TRAK1: variants seen among roughly 807,000 people sequenced by gnomAD.
The protein encoded by TRAK1 is trafficking kinesin protein 1.
In TRAK1, 33 loss-of-function variants were observed where a neutral mutation model predicts 92.1. That is an observed-to-expected ratio of 0.36 (90% confidence interval 0.27 to 0.48). TRAK1 has a LOEUF of 0.48. Among genes scored for constraint, TRAK1 ranks in the 20% least tolerant of loss-of-function variants. TRAK1 has a pLI of 0.99. For synonymous variants in TRAK1, 521 were observed against 517.3 expected (o/e 1.01, Z -0.10); for missense variants, 1,123 against 1,257.9 (o/e 0.89, Z 1.62).
At chr3:42,049,693 C>G (rs995846273) in intron 1 of TRAK1, among the ~76,000 whole-genome samples, 1 of 152,016 alleles carries the variant, frequency 6.6e-6, no homozygotes, top group African/African-American at 2.4e-5. Context: ...TATCCTTAGT[C>G]CTTTTATTTT....
At chr3:42,128,682 G>C (rs896027413) in intron 2 of TRAK1, among the ~76,000 whole-genome samples, 2 of 152,210 alleles carry the variant, frequency 1.3e-5, no homozygotes, top group African/African-American at 4.8e-5. Context: ...AGTGGTATTA[G>C]CAGGACCTGT....
chr3:42,177,869 A>C (rs1472118114), intron 3 of TRAK1, among the ~76,000 whole-genome samples: 1 of 152,092 alleles, frequency 6.6e-6, no homozygotes, highest in African/African-American at 2.4e-5. Context: ...GGAAGTCACA[A>C]ACTCATCAGC....
chr3:42,173,220 A>G (rs1702786836), intron 2 of TRAK1, among the ~76,000 whole-genome samples: 1 of 152,110 alleles, frequency 6.6e-6, no homozygotes, highest in Admixed American at 6.5e-5. Context: ...TTTTTGAAAC[A>G]TCTTTTGGGT....
chr3:42,022,943 G>A (rs1250404882), intron 1 of TRAK1, among the ~76,000 whole-genome samples: 1 of 151,980 alleles, frequency 6.6e-6, no homozygotes, highest in Non-Finnish European at 1.5e-5. Flanking sequence ...CGGATCACGA[G>A]GTCAGGAGTT....
Position 42,091,437 on chromosome 3 carries a change from T to C in TRAK1, c.-33T>C, listed in dbSNP as rs769732557. 1 of 1,604,174 alleles carries C rather than the reference T, an allele frequency of 6.2e-7. No homozygotes were observed. Among genetic ancestry groups the C allele is most frequent in the African/African-American group, 1.3e-5 (1 of 74,688 alleles). ...GAGCTCTCATGGAGGCTCTCTCTGTTCTCTGAAGTGCCTTTGGAGTTTATG... is the reference window on the plus strand; with the variant it reads ...GAGCTCTCATGGAGGCTCTCTCTGTCCTCTGAAGTGCCTTTGGAGTTTATG... On this transcript the variant is annotated 5_prime_UTR_variant, in exon 1 of 16. Transcript: ENST00000327628.
intron 1 of TRAK1, among the ~76,000 whole-genome samples, chr3:42,082,197 A>G (rs1704469144): frequency 6.6e-6 from 1 of 152,236 alleles, no homozygotes; most frequent in Admixed American, 6.5e-5. Flanking sequence ...GAGGAGAAAC[A>G]GTAGTGATTT....
intron 1 of TRAK1, among the ~76,000 whole-genome samples, chr3:42,116,180 G>A (rs1392061002): frequency 6.6e-6 from 1 of 152,248 alleles, no homozygotes; most frequent in Non-Finnish European, 1.5e-5. Flanking sequence ...CTCTTGCATG[G>A]TGGGACCTGC....
intron 2 of TRAK1, among the ~76,000 whole-genome samples, chr3:42,167,845 A>G (rs974613466): frequency 6.6e-6 from 1 of 152,162 alleles, no homozygotes; most frequent in Non-Finnish European, 1.5e-5. Context: ...ACGCCACTGC[A>G]CTCCAGCCTG....
chr3:42,031,483 AG>A (rs1325004602), intron 1 of TRAK1, among the ~76,000 whole-genome samples: 3 of 151,122 alleles, frequency 2.0e-5, no homozygotes, highest in Non-Finnish European at 4.4e-5. Context: ...AAAATAAAAA[AG>A]TTAGCCAGGC....
chr3:42,024,338 A>T (rs914952566), intron 1 of TRAK1, among the ~76,000 whole-genome samples: 7 of 152,228 alleles, frequency 4.6e-5, no homozygotes, highest in Non-Finnish European at 7.3e-5. Flanking sequence ...TTGTTTATAC[A>T]TAGTAGGTAT....
chr3:42,160,437 C>T, intron 2 of TRAK1: 1 of 1,614,212 alleles, frequency 6.2e-7, no homozygotes, highest in South Asian at 1.1e-5. Flanking sequence ...GAAGCCAACC[C>T]ACAGGCAGCA....
In TRAK1 at chr3:42,223,696, T is replaced by C. The variant is rs186854113; in HGVS notation, c.2821T>C (p.Leu941=). 15 of 1,613,704 alleles carry C rather than the reference T, an allele frequency of 9.3e-6. No individual in the cohort carries two copies. The highest frequency in any genetic ancestry group is 1.6e-4 in the Middle Eastern group (1 of 6,062). ...KAPVTLTSGI[L]MGAKLSKQTS... is the part of the protein sequence containing the mutation. ...TCCTGTGACTCTCACCTCGGGCATC[T>C]TGATGGGTGCTAAGCTCTCCAAACA... is the stretch of plus-strand genomic sequence containing the variant. The change falls in exon 16 of 16, where the codon TTG becomes CTG. Residue 941 remains leucine (L), a synonymous_variant. Transcript: ENST00000327628. This position sits in a 1 kb window ranked among gnomAD's most constrained non-coding sequence, Gnocchi z 6.1.
rs773858796 is a variant in TRAK1 at position 42,202,612 on chromosome 3, G to C, written c.1604G>C (p.Ser535Thr). Reference protein sequence around the residue: ...QELAEKGELRSGSLTPTESIM... With the variant: ...QELAEKGELRTGSLTPTESIM... ...CTGGCGGAGAAGGGCGAGCTGCGCA[G>C]CGGCTCCCTCACACCCACTGAGAGC... is the stretch of plus-strand genomic sequence containing the variant. Residue 535 changes from serine (S) to threonine (T), a missense_variant, in exon 13 of 16, where the codon AGC becomes ACC. Transcript: ENST00000327628. This position sits in a 1 kb window ranked among gnomAD's most constrained non-coding sequence, Gnocchi z 6.1. 2 of 1,600,060 alleles carry C rather than the reference G, an allele frequency of 1.2e-6. No individual in the cohort carries two copies. The highest frequency in any genetic ancestry group is 1.7e-6 in the Non-Finnish European group (2 of 1,169,004).
At chr3:42,116,223 T>C (rs373358019) in intron 1 of TRAK1, among the ~76,000 whole-genome samples, 1 of 152,250 alleles carries the variant, frequency 6.6e-6, no homozygotes, top group Non-Finnish European at 1.5e-5. Context: ...AGTCTGCTGC[T>C]GGTTTGCTCT....
intron 1 of TRAK1, among the ~76,000 whole-genome samples, chr3:42,115,716 CT>C (rs1709076601): frequency 6.6e-6 from 1 of 152,228 alleles, no homozygotes; most frequent in South Asian, 2.1e-4. Flanking sequence ...GGTTTCTCTG[CT>C]TGTCCTTCTC....
chr3:42,217,363 T>C, intron 14 of TRAK1: 1 of 985,426 alleles, frequency 1.0e-6, no homozygotes, highest in South Asian at 4.7e-5. Flanking sequence ...TGGAAACTTG[T>C]TGATCTTCCT....
intron 8 of TRAK1, 61 bp downstream of exon 8, chr3:42,193,266 C>A (rs3816397): frequency 0.31 from 499,130 of 1,593,082 alleles, 81,454 homozygotes; most frequent in Admixed American, 0.52. Context: ...GGGGAAGGGA[C>A]ATTTACTCCA....
chr3:42,175,033 A>G (rs1012930324), intron 2 of TRAK1, among the ~76,000 whole-genome samples: 12 of 152,204 alleles, frequency 7.9e-5, no homozygotes, highest in Admixed American at 7.2e-4. Context: ...TGTACAGATA[A>G]TAGAGCCAGG....
intron 1 of TRAK1, among the ~76,000 whole-genome samples, chr3:42,032,438 G>T (rs951680035): frequency 2.0e-5 from 3 of 147,984 alleles, no homozygotes; most frequent in East Asian, 2.0e-4. Context: ...ACTGTGGGAA[G>T]CCCCAAGATT....
Sources: allele counts gnomAD v4.1 joint callset (sites outside exome capture counted in the v4.1 genomes callset), GRCh38; gene constraint gnomAD v4.1.1; non-coding constraint Gnocchi (gnomAD v3.1); transcripts MANE v1.5; gene names NCBI Gene and HGNC (gene_info 2026-07-23, HGNC 2026-07-21).